The following ADGRF3 variants were observed in gnomAD, a reference collection of about 807,000 sequenced individuals.
ADGRF3 encodes the protein adhesion G protein-coupled receptor F3, also known as G protein-coupled receptor 113.
A neutral mutation model predicts 93.2 loss-of-function variants in ADGRF3; 85 were observed. The observed-to-expected ratio is 0.91, with a 90% CI of 0.77 to 1.09. The LOEUF is 1.09. Ranked by LOEUF, ADGRF3 falls within the 50% of genes least tolerant of loss-of-function variation. The probability of loss-of-function intolerance (pLI) is 0.00; values close to 1 mark genes in which losing one functional copy is unlikely to be tolerated. For missense variants in ADGRF3, 1,125 were observed against 1,246.2 expected (o/e 0.90, Z 1.46); for synonymous variants, 534 against 532.5 (o/e 1.00, Z -0.04).
chr2:26,317,937 T>C (rs1236744485), intron 1 of ADGRF3: 7 of 1,148,706 alleles, frequency 6.1e-6, no homozygotes, highest in Admixed American at 2.0e-5. Flanking sequence ...ATTCCTTCTG[T>C]AGGATTTGAC....
At chr2:26,315,783 A>G in intron 4 of ADGRF3, 43 bp from the exon 5 acceptor site, 1 of 1,549,366 alleles carries the variant, frequency 6.5e-7, no homozygotes, top group South Asian at 1.2e-5. Context: ...GGAGGGACTT[A>G]TGGCCCTCAG....
chr2:26,310,277 A>G lies in ADGRF3; in HGVS notation c.2833-40T>C, dbSNP rs1188951106. 4.3e-6 allele frequency: 7 copies of G among 1,609,248 alleles called. No individual in the cohort carries two copies. The South Asian group carries it at 5.5e-5, about 13-fold the overall frequency. Reference sequence around the variant, plus strand: ...ATGGGGATAAGCTGGTCAAGGAGGAAGGGATCCACCCGAATCAACATGCTC... The same window carrying G: ...ATGGGGATAAGCTGGTCAAGGAGGAGGGGATCCACCCGAATCAACATGCTC... On this transcript the variant is annotated intron_variant, in intron 10 of 13. Transcript: ENST00000651242.
chr2:26,325,051 T>C, intron 1 of ADGRF3, among the ~76,000 whole-genome samples: 1 of 150,210 alleles, frequency 6.7e-6, no homozygotes, highest in East Asian at 2.4e-4. Context: ...CAAATACAAT[T>C]TGGGTTCAGA....
In ADGRF3 at chr2:26,310,987, TC is replaced by T. The variant is rs1386241587; in HGVS notation, c.2536del (p.Glu846ArgfsTer24). 2.5e-6 allele frequency: 4 copies of T among 1,613,306 alleles called. No homozygotes were observed. The Admixed American group carries it at 5.0e-5, about 20-fold the overall frequency. ...CTTCCCATCCAACCAGCATTCCCCC[TC>T]CCTCAGGTATTGCCCTTGAGGTAGG... ...LYLPQGQYLR[E>X]GECWLDGKGG... On this transcript the variant is annotated frameshift_variant, in exon 10 of 14. Transcript: ENST00000651242. LOFTEE classifies it high-confidence loss of function.
At chr2:26,345,287 GTTTT>G (rs1013932276) in intron 1 of ADGRF3, among the ~76,000 whole-genome samples, 4 of 121,372 alleles carry the variant, frequency 3.3e-5, no homozygotes, top group East Asian at 1.9e-4. Context: ...TTGATCTAGT[GTTTT>G]TTGTTTGTTT....
chr2:26,330,574 G>A (rs769490978), intron 1 of ADGRF3, among the ~76,000 whole-genome samples: 4 of 152,046 alleles, frequency 2.6e-5, no homozygotes, highest in Non-Finnish European at 5.9e-5. Flanking sequence ...CAGAGTTCTC[G>A]GCTCCTGCGG....
At chr2:26,328,384 T>C (rs1186340499) in intron 1 of ADGRF3, among the ~76,000 whole-genome samples, 1 of 152,188 alleles carries the variant, frequency 6.6e-6, no homozygotes, top group Non-Finnish European at 1.5e-5. Flanking sequence ...CTATTTCAAA[T>C]TGTTTTTCTG....
At chr2:26,343,668 C>T (rs777108325) in intron 1 of ADGRF3, among the ~76,000 whole-genome samples, 1 of 152,212 alleles carries the variant, frequency 6.6e-6, no homozygotes, top group Non-Finnish European at 1.5e-5. Context: ...TGGTCTCGAT[C>T]TCCTGACCTC....
intron 6 of ADGRF3, 137 bp downstream of exon 6, chr2:26,314,276 GA>G: frequency 1.2e-6 from 1 of 818,554 alleles, no homozygotes; most frequent in Middle Eastern, 3.7e-4. Context: ...TGATGGGGTA[GA>G]AAACAGTGTT....
In ADGRF3 at chr2:26,311,739, GTCCAGTTT is replaced by G. The variant is rs751363818; in HGVS notation, c.1777_1784del (p.Lys593ProfsTer31). The G allele has an allele frequency of 1.2e-6, 2 of 1,613,500 alleles. No homozygotes were observed. Among genetic ancestry groups the G allele is most frequent in the South Asian group, 2.2e-5 (2 of 90,978 alleles). ...GTCCATAGTTTGAGGGCAGAAGGTG[GTCCAGTTT>G]TCGCAGCACCAGGCTAGTAATACTT... On this transcript the variant is annotated frameshift_variant, in exon 10 of 14. Transcript: ENST00000651242. LOFTEE classifies it high-confidence loss of function.
chr2:26,329,007 T>A (rs898307509), intron 1 of ADGRF3, among the ~76,000 whole-genome samples: 11 of 152,338 alleles, frequency 7.2e-5, no homozygotes, highest in Non-Finnish European at 1.3e-4. Flanking sequence ...GTGATTAAAT[T>A]ATGAATATTG....
At chr2:26,338,249 C>A (rs7603413) in intron 1 of ADGRF3, among the ~76,000 whole-genome samples, 43,642 of 151,836 alleles carry the variant, frequency 0.29, 7,171 homozygotes, top group Middle Eastern at 0.4. Flanking sequence ...TATGGTGATG[C>A]ACACCTGTAG....
intron 1 of ADGRF3, among the ~76,000 whole-genome samples, chr2:26,331,853 T>A (rs1380384307): frequency 2.6e-5 from 4 of 152,208 alleles, no homozygotes; most frequent in African/African-American, 9.6e-5. Flanking sequence ...ACCCTTACCT[T>A]TATTAAATCA....
chr2:26,313,436 C>A lies in ADGRF3; in HGVS notation c.1210G>T (p.Gly404Trp). 1 of 1,609,916 alleles carries A rather than the reference C, an allele frequency of 6.2e-7. No homozygotes were observed. The highest frequency in any genetic ancestry group is 8.5e-7 in the Non-Finnish European group (1 of 1,178,278). The change falls in exon 8 of 14, where the codon GGG (glycine) becomes TGG (tryptophan). Residue 404 changes from glycine to tryptophan, a missense_variant. Coordinates refer to ENST00000651242, the MANE Select transcript of ADGRF3 (RefSeq NM_001321971.2). Reference protein sequence around the residue: ...RRLCGADGVWGPVHSSCTDAR... With the variant: ...RRLCGADGVWWPVHSSCTDAR... ...TCTGTGCAGCTGCTGTGGACCGGCC[C>A]CCAGACTCCGTCAGCCCCACAGAGC... is the stretch of plus-strand genomic sequence containing the variant.
chr2:26,313,793 G>A lies in ADGRF3; in HGVS notation c.1039C>T (p.Leu347Phe), dbSNP rs1250637606. ...CDLQSLGLAP[L>F]RVPISITIIQ... ...ATGGTGATGGAGATGGGGACCCTGA[G>A]TGGAGCCAGGCCCAGGCTCTGCAGG... The change falls in exon 7 of 14, where the codon CTC (leucine) becomes TTC (phenylalanine). Residue 347 changes from leucine (L) to phenylalanine (F), a missense_variant. By Grantham distance (22) the Leu-to-Phe change is conservative. Coordinates refer to ENST00000651242, the MANE Select transcript of ADGRF3 (RefSeq NM_001321971.2). The A allele has an allele frequency of 1.2e-6, 2 of 1,613,876 alleles. No individual in the cohort carries two copies. Among genetic ancestry groups the A allele is most frequent in the African/African-American group, 1.3e-5 (1 of 74,944 alleles).
intron 1 of ADGRF3, among the ~76,000 whole-genome samples, chr2:26,343,425 G>T (rs1177960688): frequency 6.6e-6 from 1 of 150,852 alleles, no homozygotes; most frequent in Non-Finnish European, 1.5e-5. Context: ...TTAGATCTTA[G>T]GATCAAATGA....
intron 5 of ADGRF3, 66 bp from the exon 6 acceptor site, chr2:26,314,689 T>G (rs1674503809): frequency 7.0e-7 from 1 of 1,422,974 alleles, no homozygotes. Flanking sequence ...GAATCTCTGC[T>G]GCTTTCCAAG....
intron 1 of ADGRF3, among the ~76,000 whole-genome samples, chr2:26,325,544 C>T (rs1055271782): frequency 1.3e-5 from 2 of 152,216 alleles, no homozygotes; most frequent in South Asian, 2.1e-4. Flanking sequence ...AAGCTATGTA[C>T]CTCAAGAGCA....
intron 1 of ADGRF3, among the ~76,000 whole-genome samples, chr2:26,324,753 T>C (rs145440043): frequency 6.6e-6 from 1 of 152,382 alleles, no homozygotes; most frequent in African/African-American, 2.4e-5. Context: ...TTACATGTTT[T>C]TGCTACTATG....
Sources: gnomAD v4.1 joint callset for allele counts (sites outside exome capture counted in the v4.1 genomes callset) on GRCh38, gnomAD v4.1.1 for gene constraint, MANE v1.5 for transcripts, NCBI Gene and HGNC (gene_info 2026-07-23, HGNC 2026-07-21) for gene names.